The following GDPD4 variants were observed in gnomAD, a reference collection of about 807,000 sequenced individuals.
GDPD4 encodes glycerophosphodiester phosphodiesterase domain containing 4, also known as glycerophosphodiester phosphodiesterase 6.
Under a neutral mutation model 67.8 loss-of-function variants are expected in GDPD4, and 60 were observed. That is an observed-to-expected ratio of 0.88 (90% confidence interval 0.72 to 1.10). The LOEUF (loss-of-function observed/expected upper bound fraction) is 1.10. GDPD4 is among the 50% of genes least tolerant of loss of function. The pLI is 0.00. For synonymous variants in GDPD4, 212 were observed against 210.9 expected, an observed-to-expected ratio of 1.00 and a Z score of -0.04; for missense variants, 623 against 613.9, an observed-to-expected ratio of 1.01 and a Z score of -0.16.
rs1958129065 is a variant in GDPD4, at chr11:77,216,798, CAG to C, written c.*477_*478del. The C allele has an allele frequency of 4.9e-6, 3 of 612,032 alleles. No individual in the cohort carries two copies. Among genetic ancestry groups the C allele is most frequent in the Non-Finnish European group, 5.8e-6 (2 of 345,094 alleles). 37.9% of individuals were successfully genotyped at this position (612,032 alleles called of 1,614,324 possible). On this transcript the variant is annotated 3_prime_UTR_variant, in exon 17 of 17. Coordinates refer to ENST00000315938, the MANE Select transcript of GDPD4 (RefSeq NM_182833.3). ...ACTCCCCACCATCACCACCCTTAGG[CAG>C]AGAGAGGAAGAAGCAGGGGAGATGT...
Position 77,217,245 on chromosome 11 carries a change from G to C in GDPD4, c.*32C>G, listed in dbSNP as rs575479337. The C allele has an allele frequency of 2.3e-5, 35 of 1,545,476 alleles. No homozygotes were observed. The South Asian group carries it at 3.6e-4, about 16-fold the overall frequency. ...CAAGGACCTTCCACAACTCGGACAG[G>C]AGGTTTCATGGCTATGTGCAAATCT... is the stretch of plus-strand genomic sequence containing the variant. On this transcript the variant is annotated 3_prime_UTR_variant, in exon 17 of 17. Transcript: ENST00000315938.
chr11:77,277,244 C>CTA (rs1287035926), intron 4 of GDPD4, among the ~76,000 whole-genome samples: 1 of 151,268 alleles, frequency 6.6e-6, no homozygotes, highest in African/African-American at 2.4e-5. Flanking sequence ...AAAAAAGTTT[C>CTA]TAATTGGTCT....
At position 77,217,135 on chromosome 11, in the gene GDPD4, T is replaced by G; in HGVS notation, c.*142A>C. The G allele has an allele frequency of 2.7e-6, 2 of 741,092 alleles. No individual in the cohort carries two copies. Among genetic ancestry groups the G allele is most frequent in the Non-Finnish European group, 5.0e-6 (2 of 401,356 alleles). The allele number at this position is 741,092 out of a possible 1,614,324, so 45.9% of individuals were successfully genotyped here. ...TGACAGCATTCTTGATAGGTAGTAG[T>G]TTCTTGGATGGTGCTGCAAAATTGA... On this transcript the variant is annotated 3_prime_UTR_variant, in exon 17 of 17. Coordinates refer to ENST00000315938, the MANE Select transcript of GDPD4 (RefSeq NM_182833.3).
intron 16 of GDPD4, among the ~76,000 whole-genome samples, chr11:77,221,758 C>T (rs1225510510): frequency 6.9e-6 from 1 of 144,418 alleles, no homozygotes; most frequent in African/African-American, 2.6e-5. Context: ...CCGCTGGGTG[C>T]AGAGCTGAGT....
chr11:77,284,533 C>T (rs1959907865), intron 3 of GDPD4, among the ~76,000 whole-genome samples: 1 of 152,076 alleles, frequency 6.6e-6, no homozygotes, highest in Non-Finnish European at 1.5e-5. Context: ...TACCAAATAA[C>T]AAGATTTGCA....
At chr11:77,266,569 T>A (rs951547277) in intron 10 of GDPD4, among the ~76,000 whole-genome samples, 3 of 152,154 alleles carry the variant, frequency 2.0e-5, no homozygotes, top group Non-Finnish European at 4.4e-5. Context: ...CAGGTAGTCC[T>A]TCAGGAGGTA....
At position 77,216,887 on chromosome 11, in the gene GDPD4, TA is replaced by T. The variant is rs1958130748; in HGVS notation, c.*389del. On this transcript the variant is annotated 3_prime_UTR_variant, in exon 17 of 17. Coordinates refer to ENST00000315938, the MANE Select transcript of GDPD4 (RefSeq NM_182833.3). ...AGATGCAATGGAATATATTGTGACATAGGATTATTTGGAGTATTCAGCCATG... is the reference window on the plus strand; with the variant it reads ...AGATGCAATGGAATATATTGTGACATGGATTATTTGGAGTATTCAGCCATG... 1.5e-6 allele frequency: 1 copy of T among 680,850 alleles called. No individual in the cohort carries two copies. Among genetic ancestry groups the T allele is most frequent in the Non-Finnish European group, 2.7e-6 (1 of 374,870 alleles). 42.2% of individuals were successfully genotyped at this position (680,850 alleles called of 1,614,324 possible).
At chr11:77,288,920 A>C (rs1937663069) in intron 1 of GDPD4, among the ~76,000 whole-genome samples, 1 of 152,214 alleles carries the variant, frequency 6.6e-6, no homozygotes, top group African/African-American at 2.4e-5. Context: ...TCAGAAAAAC[A>C]ATTCAAAATC....
At chr11:77,275,032 T>C (rs1431254380) in intron 5 of GDPD4, among the ~76,000 whole-genome samples, 2 of 152,072 alleles carry the variant, frequency 1.3e-5, no homozygotes, top group African/African-American at 4.8e-5. Flanking sequence ...TTCAAAATAG[T>C]TCAAAAAATA....
intron 13 of GDPD4, among the ~76,000 whole-genome samples, chr11:77,239,835 G>A (rs1030491255): frequency 1.3e-5 from 2 of 151,902 alleles, no homozygotes; most frequent in African/African-American, 4.8e-5. Context: ...AGTGGTATGT[G>A]CCTGTAATCC....
intron 10 of GDPD4, among the ~76,000 whole-genome samples, chr11:77,268,098 C>T (rs1231242533): frequency 6.6e-6 from 1 of 152,010 alleles, no homozygotes. Flanking sequence ...ATTTGCATTT[C>T]CCAAGCACTC....
At chr11:77,295,109 T>C (rs4945168) in intron 1 of GDPD4, among the ~76,000 whole-genome samples, 81,708 of 151,288 alleles carry the variant, frequency 0.54, 25,772 homozygotes, top group African/African-American at 0.86. Context: ...GGACTACAGG[T>C]GCATGCCAAC....
chr11:77,218,431 G>A (rs938099514), intron 16 of GDPD4, among the ~76,000 whole-genome samples: 25 of 152,138 alleles, frequency 1.6e-4, no homozygotes, highest in Non-Finnish European at 1.5e-5. Context: ...GGGTACATGT[G>A]CACAATGTGC....
Position 77,245,352 on chromosome 11 carries a change from G to A in GDPD4, c.1015C>T (p.His339Tyr), listed in dbSNP as rs773555890. 1 of 1,614,172 alleles carries A rather than the reference G, an allele frequency of 6.2e-7. No homozygotes were observed. The highest frequency in any genetic ancestry group is 8.5e-7 in the Non-Finnish European group (1 of 1,180,018). Residue 339 changes from histidine to tyrosine, a missense_variant, in exon 12 of 17, where the codon CAT becomes TAT. Transcript: ENST00000315938. ...CGGACAAATGTGTGTCTGAGAGGATGTTTTGGTGGAGGGCGATGAAGATCA... is the reference window on the plus strand; with the variant it reads ...CGGACAAATGTGTGTCTGAGAGGATATTTTGGTGGAGGGCGATGAAGATCA... ...IFDLHRPPPK[H>Y]PLRHTFVRQV...
chr11:77,291,044 G>C (rs1437622691), intron 1 of GDPD4, among the ~76,000 whole-genome samples: 2 of 152,192 alleles, frequency 1.3e-5, no homozygotes, highest in Non-Finnish European at 2.9e-5. Context: ...AAGGAAATCA[G>C]TATATCAAAA....
At chr11:77,275,899 A>G (rs1171315187) in intron 5 of GDPD4, among the ~76,000 whole-genome samples, 1 of 152,238 alleles carries the variant, frequency 6.6e-6, no homozygotes, top group Admixed American at 6.5e-5. Context: ...GAACAGGGCT[A>G]CAGATTGAGT....
Position 77,285,220 on chromosome 11 carries a change from C to T in GDPD4, c.-50-33G>A, listed in dbSNP as rs1959945437. On this transcript the variant is annotated intron_variant, in intron 2 of 16. Transcript: ENST00000315938. ...AAGAAAAAAGAAATCTAACTTAGCT[C>T]CATTTATCCTTGTTACCTCAGCAGT... is the stretch of plus-strand genomic sequence containing the variant. The T allele has an allele frequency of 3.6e-6, 4 of 1,105,000 alleles. No homozygotes were observed. In the South Asian group the frequency reaches 5.4e-5, roughly 15 times the overall value. 68.4% of individuals were successfully genotyped at this position (1,105,000 alleles called of 1,614,324 possible). A position where few individuals can be genotyped will look rare whatever the true frequency, so the allele number is the denominator to read the frequency against.
intron 11 of GDPD4, among the ~76,000 whole-genome samples, chr11:77,252,059 T>TGTTTG (rs1555118952): frequency 1.1e-5 from 1 of 91,436 alleles, no homozygotes; most frequent in Non-Finnish European, 2.7e-5. Flanking sequence ...TGTTTGTTTT[T>TGTTTG]TTTTTGTTTT....
chr11:77,294,193 T>C (rs1425349123), intron 1 of GDPD4, among the ~76,000 whole-genome samples: 1 of 152,210 alleles, frequency 6.6e-6, no homozygotes, highest in Admixed American at 6.5e-5. Context: ...TAGTTACCAG[T>C]AATGTACTAA....
Sources: allele counts gnomAD v4.1 joint callset (sites outside exome capture counted in the v4.1 genomes callset), GRCh38; gene constraint gnomAD v4.1.1; transcripts MANE v1.5; gene names NCBI Gene and HGNC (gene_info 2026-07-23, HGNC 2026-07-21).